The following KLHL7 variants were observed in gnomAD, a reference collection of about 807,000 sequenced individuals.
KLHL7 encodes the protein kelch-like protein 7.
Under a neutral mutation model 67.4 loss-of-function variants are expected in KLHL7, and 44 were observed. The observed-to-expected ratio is 0.65, with a 90% CI of 0.51 to 0.84. The LOEUF is 0.84. Among genes scored for constraint, KLHL7 ranks in the 40% least tolerant of loss-of-function variants. The probability of loss-of-function intolerance (pLI) is 0.00; values close to 1 mark genes in which losing one functional copy is unlikely to be tolerated. For synonymous variants in KLHL7, 252 were observed against 243.3 expected, an observed-to-expected ratio of 1.04 and a Z score of -0.33; for missense variants, 362 against 718.1, an observed-to-expected ratio of 0.50 and a Z score of 5.67.
chr7:23,131,735 T>TATTC (rs1194456554), intron 4 of KLHL7, among the ~76,000 whole-genome samples: 17 of 37,722 alleles, frequency 4.5e-4, no homozygotes, highest in Middle Eastern at 0.024. Flanking sequence ...TATTTATTCT[T>TATTC]TTTTTTTTTT....
In KLHL7 at chr7:23,149,828, C is replaced by T. The variant is rs543621557; in HGVS notation, c.794-2239C>T. 6.7e-4 allele frequency among the ~76,000 whole-genome samples: 102 copies of T among 152,272 alleles called. 1 individual carries two copies. The highest frequency in any genetic ancestry group is 7.8e-4 in the Non-Finnish European group (53 of 68,012). ...CAGCATGCCTTGGCCTCTGAAATAT[C>T]CAGCTGTTTGAATGCAAAAGAGCTT... On this transcript the variant is annotated intron_variant, in intron 6 of 10. Coordinates refer to ENST00000339077, the MANE Select transcript of KLHL7 (RefSeq NM_001031710.3).
At chr7:23,122,334 A>G (rs1562557286) in intron 1 of KLHL7, among the ~76,000 whole-genome samples, 1 of 151,574 alleles carries the variant, frequency 6.6e-6, no homozygotes, top group Admixed American at 6.6e-5. Flanking sequence ...TATCATCTTT[A>G]TTCTTCACTC....
chr7:23,120,567 T>TTAG (rs1783293188), intron 1 of KLHL7, among the ~76,000 whole-genome samples: 1 of 151,990 alleles, frequency 6.6e-6, no homozygotes, highest in South Asian at 2.1e-4. Context: ...AATCTAATAT[T>TTAG]TATTATTATT....
intron 4 of KLHL7, among the ~76,000 whole-genome samples, chr7:23,136,455 C>T (rs1783978655): frequency 6.6e-6 from 1 of 152,136 alleles, no homozygotes; most frequent in Non-Finnish European, 1.5e-5. Context: ...TAGCATTGCC[C>T]AGAAATCTCA....
intron 4 of KLHL7, among the ~76,000 whole-genome samples, chr7:23,131,146 T>C (rs1194902165): frequency 3.9e-5 from 6 of 152,354 alleles, no homozygotes; most frequent in Middle Eastern, 3.4e-3. Context: ...TGCATGCTTA[T>C]GTACTGTGAC....
chr7:23,167,231 ATGTT>A (rs1785028639), intron 8 of KLHL7, among the ~76,000 whole-genome samples: 1 of 152,090 alleles, frequency 6.6e-6, no homozygotes, highest in Admixed American at 6.5e-5. Flanking sequence ...TGATGAATGT[ATGTT>A]TTGCCTTTAA....
intron 5 of KLHL7, 133 bp from the exon 6 acceptor site, chr7:23,143,718 C>A: frequency 1.1e-6 from 1 of 923,888 alleles, no homozygotes; most frequent in Non-Finnish European, 1.8e-6. Context: ...AGCAAGTGTC[C>A]AGGGATGAAA....
chr7:23,130,827 C>T (rs1357611300), intron 4 of KLHL7, among the ~76,000 whole-genome samples: 1 of 152,130 alleles, frequency 6.6e-6, no homozygotes, highest in African/African-American at 2.4e-5. Flanking sequence ...ACCTATGGCA[C>T]TATGTAAAGT....
Position 23,140,825 on chromosome 7 carries a change from G to T in KLHL7, c.499G>T (p.Asp167Tyr). The T allele has an allele frequency of 6.2e-7, 1 of 1,613,938 alleles. No homozygotes were observed. The highest frequency in any genetic ancestry group is 1.1e-5 in the South Asian group (1 of 91,078). The change falls in exon 5 of 11, where the codon GAC (aspartate) becomes TAC (tyrosine). Residue 167 changes from aspartate to tyrosine, a missense_variant. Around this residue, in one of 5 missense-constraint regions of KLHL7, gnomAD observed 155 missense variants for 280.8 expected, o/e 0.55. Transcript: ENST00000339077. Reference protein sequence around the residue: ...DCPELKATADDFIHQHFTEVY... With the variant: ...DCPELKATADYFIHQHFTEVY... ...TCCTGAATTGAAAGCAACTGCAGAT[G>T]ACTTTATTCATCAGCACTTTACTGA...
chr7:23,152,344 G>C (rs951557021), intron 7 of KLHL7, 135 bp downstream of exon 7: 1 of 790,836 alleles, frequency 1.3e-6, no homozygotes, highest in African/African-American at 1.7e-5. Context: ...CATATGTTAT[G>C]AGATACATAG....
At chr7:23,157,985 A>G (rs918684822) in intron 7 of KLHL7, among the ~76,000 whole-genome samples, 14 of 152,188 alleles carry the variant, frequency 9.2e-5, no homozygotes, top group African/African-American at 3.4e-4. Context: ...CGTGTTTTTG[A>G]GACAGGGTCT....
chr7:23,118,228 T>C (rs2128458465), intron 1 of KLHL7, among the ~76,000 whole-genome samples: 1 of 152,356 alleles, frequency 6.6e-6, no homozygotes, highest in South Asian at 2.1e-4. Context: ...ATTCTTCCTG[T>C]AAAAGCCCCC....
chr7:23,123,225 G>C (rs1481780408), intron 1 of KLHL7, among the ~76,000 whole-genome samples: 1 of 152,190 alleles, frequency 6.6e-6, no homozygotes, highest in Non-Finnish European at 1.5e-5. Context: ...TTTAATAAAA[G>C]ATTGCTGAAA....
intron 1 of KLHL7, among the ~76,000 whole-genome samples, chr7:23,114,695 A>G (rs1198519602): frequency 6.6e-6 from 1 of 152,216 alleles, no homozygotes. Context: ...TACCAGCTTA[A>G]GAGGTTATTT....
rs1449150087 is a variant in KLHL7, at chr7:23,105,798, G to A, written c.-229G>A. ...TGGGCAGGGCTCGGGTTCTGCCCGG[G>A]GACGCAGCCCAGTTGGTAGCGTCGC... On this transcript the variant is annotated 5_prime_UTR_variant, in exon 1 of 11. Transcript: ENST00000339077. The A allele has an allele frequency of 1.7e-6, 1 of 584,780 alleles. No individual in the cohort carries two copies. Among genetic ancestry groups the A allele is most frequent in the African/African-American group, 1.9e-5 (1 of 53,428 alleles). 36.2% of individuals were successfully genotyped at this position (584,780 alleles called of 1,614,324 possible). A position where few individuals can be genotyped will look rare whatever the true frequency, so the allele number is the denominator to read the frequency against.
At chr7:23,159,142 G>T (rs139123222) in intron 7 of KLHL7, among the ~76,000 whole-genome samples, 1 of 152,292 alleles carries the variant, frequency 6.6e-6, no homozygotes, top group East Asian at 1.9e-4. Context: ...TGAAGGACTA[G>T]ATCATTGGTC....
intron 7 of KLHL7, among the ~76,000 whole-genome samples, chr7:23,152,993 A>G (rs1784586588): frequency 6.6e-6 from 1 of 152,204 alleles, no homozygotes; most frequent in African/African-American, 2.4e-5. Flanking sequence ...GATCTCTTTC[A>G]TGATTTTGCA....
intron 6 of KLHL7, among the ~76,000 whole-genome samples, chr7:23,147,006 T>C (rs1046449592): frequency 6.7e-6 from 1 of 148,774 alleles, no homozygotes; most frequent in Non-Finnish European, 1.5e-5. Flanking sequence ...AATTTTCTTA[T>C]GAGTAATTTT....
At chr7:23,110,945 T>C (rs1782844300) in intron 1 of KLHL7, among the ~76,000 whole-genome samples, 1 of 152,094 alleles carries the variant, frequency 6.6e-6, no homozygotes, top group African/African-American at 2.4e-5. Context: ...AATGAATACT[T>C]ATTGACAACC....
Sources: gnomAD v4.1 joint callset for allele counts (sites outside exome capture counted in the v4.1 genomes callset) on GRCh38, gnomAD v4.1.1 for gene constraint, gnomAD v4.1.1 regional missense constraint, MANE v1.5 for transcripts, NCBI Gene and HGNC (gene_info 2026-07-23, HGNC 2026-07-21) for gene names.